The following AUTS2 variants were observed in gnomAD, a reference collection of about 807,000 sequenced individuals.
AUTS2 encodes the protein activator of transcription and developmental regulator AUTS2.
A neutral mutation model predicts 112.4 loss-of-function variants in AUTS2; 17 were observed. That is an observed-to-expected ratio of 0.15 (90% CI 0.10 to 0.23). AUTS2 has a LOEUF of 0.23. AUTS2 is among the 10% of genes least tolerant of loss of function. The pLI is 1.00. For missense variants in AUTS2, 1,510 were observed against 1,701.6 expected, an observed-to-expected ratio of 0.89 and a Z score of 1.98; for synonymous variants, 751 against 702.7, an observed-to-expected ratio of 1.07 and a Z score of -1.09.
chr7:70,748,583 C>T (rs1358502157), intron 6 of AUTS2, among the ~76,000 whole-genome samples: 1 of 152,128 alleles, frequency 6.6e-6, no homozygotes, highest in Non-Finnish European at 1.5e-5. Context: ...TTCTGCAAAT[C>T]AAGGAGAATA....
chr7:70,607,768 G>T (rs1056935012), intron 5 of AUTS2, among the ~76,000 whole-genome samples: 3 of 152,158 alleles, frequency 2.0e-5, no homozygotes, highest in African/African-American at 7.2e-5. Flanking sequence ...TCCTTCCACA[G>T]ATATTTATAT....
chr7:70,378,363 C>A (rs117018889), intron 4 of AUTS2, among the ~76,000 whole-genome samples: 4 of 152,134 alleles, frequency 2.6e-5, no homozygotes, highest in African/African-American at 9.7e-5. Flanking sequence ...AATATTCTTA[C>A]GGTTCTTTCC....
At chr7:69,956,980 A>G (rs1010278245) in intron 2 of AUTS2, among the ~76,000 whole-genome samples, 3 of 151,896 alleles carry the variant, frequency 2.0e-5, no homozygotes, top group African/African-American at 7.3e-5. Context: ...CTCCTACCTC[A>G]GCCTTCCAAG....
intron 1 of AUTS2, among the ~76,000 whole-genome samples, chr7:69,729,334 CAT>C (rs753541659): frequency 4.7e-5 from 7 of 150,494 alleles, no homozygotes; most frequent in African/African-American, 1.7e-4. Context: ...CTTTTAATAG[CAT>C]TTTTTTTTTG....
At chr7:69,616,770 C>T (rs2129086119) in intron 1 of AUTS2, among the ~76,000 whole-genome samples, 1 of 152,184 alleles carries the variant, frequency 6.6e-6, no homozygotes, top group East Asian at 1.9e-4. Flanking sequence ...GTTTTGGGTA[C>T]CTCAGGGTAC....
chr7:69,652,467 G>A (rs1317420659), intron 1 of AUTS2, among the ~76,000 whole-genome samples: 1 of 150,482 alleles, frequency 6.6e-6, no homozygotes, highest in East Asian at 1.9e-4. Context: ...TGACACTGAG[G>A]CACTACTAGA....
At chr7:70,142,782 T>C (rs1483432134) in intron 4 of AUTS2, among the ~76,000 whole-genome samples, 1 of 152,154 alleles carries the variant, frequency 6.6e-6, no homozygotes, top group Admixed American at 6.6e-5. Flanking sequence ...AATAATTTTA[T>C]CTTCATTTTC....
At chr7:70,196,922 C>T (rs565646680) in intron 4 of AUTS2, among the ~76,000 whole-genome samples, 12 of 152,196 alleles carry the variant, frequency 7.9e-5, no homozygotes, top group African/African-American at 1.7e-4. Flanking sequence ...AGGTTTTGAG[C>T]GGTTGTCTTC....
At chr7:69,994,288 G>A (rs531176086) in intron 2 of AUTS2, among the ~76,000 whole-genome samples, 1 of 152,258 alleles carries the variant, frequency 6.6e-6, no homozygotes, top group South Asian at 2.1e-4. Flanking sequence ...CTTCATTATC[G>A]TTACTATGCA....
At chr7:70,562,818 G>GGAAT (rs1487851275) in intron 5 of AUTS2, among the ~76,000 whole-genome samples, 2 of 152,122 alleles carry the variant, frequency 1.3e-5, no homozygotes, top group Non-Finnish European at 2.9e-5. Context: ...GTTTACCTGG[G>GGAAT]GAATGAATGA....
intron 4 of AUTS2, among the ~76,000 whole-genome samples, chr7:70,248,021 A>T (rs1402424086): frequency 1.3e-5 from 2 of 152,192 alleles, no homozygotes. Flanking sequence ...AAACTACAGT[A>T]ATTGATTTTC....
chr7:70,407,075 T>A (rs903165787), intron 4 of AUTS2, among the ~76,000 whole-genome samples: 1 of 152,166 alleles, frequency 6.6e-6, no homozygotes, highest in Non-Finnish European at 1.5e-5. Flanking sequence ...AGGCACCGAT[T>A]AAGCTCAGTT....
intron 4 of AUTS2, among the ~76,000 whole-genome samples, chr7:70,421,128 A>T (rs1263137179): frequency 6.6e-6 from 1 of 152,218 alleles, no homozygotes; most frequent in East Asian, 1.9e-4. Flanking sequence ...ACCGGAAATT[A>T]AAAAAGAAAA....
chr7:69,764,321 G>A lies in AUTS2; in HGVS notation c.310-134965G>A, dbSNP rs572623682. Among the ~76,000 whole-genome samples, 5 of 152,086 alleles carry A rather than the reference G, an allele frequency of 3.3e-5. No homozygotes were observed. In the South Asian group the frequency reaches 6.2e-4, roughly 19 times the overall value. ...TGGGATGAACACTGGAGCCCCTGCC[G>A]TGCTCTGGAATTATGAGTGCCTGCC... is the stretch of plus-strand genomic sequence containing the variant. On this transcript the variant is annotated intron_variant, in intron 1 of 18. Transcript: ENST00000342771.
chr7:69,744,332 A>G (rs1787395182), intron 1 of AUTS2, among the ~76,000 whole-genome samples: 2 of 152,130 alleles, frequency 1.3e-5, no homozygotes, highest in Non-Finnish European at 2.9e-5. Flanking sequence ...TAGGAGTAGA[A>G]CTTCTGCATC....
At chr7:70,779,042 G>C (rs990318122) in intron 14 of AUTS2, among the ~76,000 whole-genome samples, 1 of 152,154 alleles carries the variant, frequency 6.6e-6, no homozygotes, top group Non-Finnish European at 1.5e-5. Flanking sequence ...TCAGCAAACT[G>C]CTTGTAATCC....
chr7:70,273,185 A>T (rs1787773085), intron 4 of AUTS2, among the ~76,000 whole-genome samples: 1 of 152,118 alleles, frequency 6.6e-6, no homozygotes, highest in Non-Finnish European at 1.5e-5. Flanking sequence ...CTGGGACTAC[A>T]GGTGCCTGCC....
intron 3 of AUTS2, 150 bp downstream of exon 3, chr7:70,118,383 T>C (rs1471074339): frequency 3.7e-5 from 35 of 950,746 alleles, no homozygotes; most frequent in Non-Finnish European, 4.8e-5. Flanking sequence ...ATTATCTTTG[T>C]ATACTTATTT....
chr7:70,725,184 G>C (rs1047413984), intron 6 of AUTS2, among the ~76,000 whole-genome samples: 2 of 152,206 alleles, frequency 1.3e-5, no homozygotes, highest in Non-Finnish European at 2.9e-5. Context: ...TTAAGACTTA[G>C]ACAAATTAAA....
Sources: gnomAD v4.1 joint callset for allele counts (sites outside exome capture counted in the v4.1 genomes callset) on GRCh38, gnomAD v4.1.1 for gene constraint, MANE v1.5 for transcripts, NCBI Gene and HGNC (gene_info 2026-07-23, HGNC 2026-07-21) for gene names.